The following SLIT3 variants were observed in gnomAD, a reference collection of about 807,000 sequenced individuals.
The protein encoded by SLIT3 is slit homolog 3 protein.
A neutral mutation model predicts 184.0 loss-of-function variants in SLIT3; 68 were observed. The observed-to-expected ratio is 0.37, with a 90% CI of 0.30 to 0.45. SLIT3 has a LOEUF of 0.45. Among genes scored for constraint, SLIT3 ranks in the 20% least tolerant of loss-of-function variants. SLIT3 has a pLI of 1.00. For missense variants in SLIT3, 1,707 were observed against 2,026.0 expected, an observed-to-expected ratio of 0.84 and a Z score of 3.02; for synonymous variants, 831 against 828.6, an observed-to-expected ratio of 1.00 and a Z score of -0.05.
At chr5:169,016,576 T>G (rs1756383400) in intron 4 of SLIT3, among the ~76,000 whole-genome samples, 1 of 152,216 alleles carries the variant, frequency 6.6e-6, no homozygotes. Context: ...ATATAATACA[T>G]GTAATTCTTA....
intron 4 of SLIT3, among the ~76,000 whole-genome samples, chr5:168,952,528 C>CAAAAAAAAAAAAAAAAAAAAAAAAAAAA (rs372134778): frequency 1.3e-5 from 1 of 77,930 alleles, no homozygotes; most frequent in African/African-American, 5.9e-5. Context: ...GGGAAAATGC[C>CAAAAAAAAAAAAAAAAAAAAAAAAAAAA]AAAAAAAAAA....
At position 168,692,599 on chromosome 5, in the gene SLIT3, G is replaced by A; in HGVS notation, c.3176+8C>T. On this transcript the variant is annotated splice_region_variant and intron_variant, in intron 29 of 35. Transcript: ENST00000519560. ...ACTCTGTGCTGGGGGCACGAAGCCA[G>A]GTCTTACCTGAATCCTTTGTCCAGG... 6.2e-7 allele frequency: 1 copy of A among 1,609,418 alleles called. No homozygotes were observed. Among genetic ancestry groups the A allele is most frequent in the South Asian group, 1.1e-5 (1 of 90,762 alleles).
intron 4 of SLIT3, among the ~76,000 whole-genome samples, chr5:168,981,293 C>T (rs371554534): frequency 8.2e-4 from 125 of 152,112 alleles, no homozygotes; most frequent in African/African-American, 2.7e-3. Context: ...GGACTGACTA[C>T]GCAACAGTTC....
At chr5:169,239,224 A>G (rs948854084) in intron 3 of SLIT3, among the ~76,000 whole-genome samples, 1 of 152,190 alleles carries the variant, frequency 6.6e-6, no homozygotes, top group African/African-American at 2.4e-5. Flanking sequence ...CTTTTCACCT[A>G]TAACTGAATT....
intron 3 of SLIT3, among the ~76,000 whole-genome samples, chr5:169,219,057 TG>T (rs925108477): frequency 1.3e-5 from 2 of 152,174 alleles, no homozygotes; most frequent in Non-Finnish European, 2.9e-5. Flanking sequence ...AACAACAGAA[TG>T]GACCCTGAAT....
chr5:169,166,356 CAT>C (rs1162781925), intron 4 of SLIT3, among the ~76,000 whole-genome samples: 1 of 152,182 alleles, frequency 6.6e-6, no homozygotes, highest in African/African-American at 2.4e-5. Context: ...GCAGCGGGCA[CAT>C]CAAGGCCCAT....
At chr5:168,781,172 T>C (rs1161310082) in intron 12 of SLIT3, among the ~76,000 whole-genome samples, 1 of 152,140 alleles carries the variant, frequency 6.6e-6, no homozygotes, top group Admixed American at 6.5e-5. Flanking sequence ...CCCAGAGACA[T>C]AGGAGGGTGC....
chr5:168,730,029 G>T (rs1439719012), intron 20 of SLIT3, among the ~76,000 whole-genome samples: 1 of 151,650 alleles, frequency 6.6e-6, no homozygotes, highest in African/African-American at 2.4e-5. Flanking sequence ...GGTTGAAAAA[G>T]ATATTCCATA....
chr5:168,914,881 T>TG (rs1761383242), intron 4 of SLIT3, among the ~76,000 whole-genome samples: 1 of 152,094 alleles, frequency 6.6e-6, no homozygotes, highest in South Asian at 2.1e-4. Context: ...TAGAGGACAT[T>TG]GGGGGGTAAA....
intron 3 of SLIT3, among the ~76,000 whole-genome samples, chr5:169,231,617 C>A (rs371271848): frequency 5.3e-5 from 8 of 152,066 alleles, no homozygotes; most frequent in East Asian, 1.9e-4. Context: ...CTAATGTCAA[C>A]GAGTATTTGG....
chr5:168,870,409 T>C (rs1396792053), intron 5 of SLIT3, among the ~76,000 whole-genome samples: 1 of 152,192 alleles, frequency 6.6e-6, no homozygotes, highest in Non-Finnish European at 1.5e-5. Context: ...CCATTCCAGG[T>C]AATCACCTCC....
At chr5:169,073,032 T>C (rs1758611465) in intron 4 of SLIT3, among the ~76,000 whole-genome samples, 1 of 152,202 alleles carries the variant, frequency 6.6e-6, no homozygotes. Flanking sequence ...TTAATATTTA[T>C]TGGTAAGTGC....
At chr5:169,187,132 T>TTTTTTTTTA (rs11393168) in intron 4 of SLIT3, among the ~76,000 whole-genome samples, 1 of 142,036 alleles carries the variant, frequency 7.0e-6, no homozygotes, top group African/African-American at 2.6e-5. Context: ...TTTTTTTTTT[T>TTTTTTTTTA]GAGACGGAGT....
intron 4 of SLIT3, among the ~76,000 whole-genome samples, chr5:169,145,175 A>G (rs1761885329): frequency 6.6e-6 from 1 of 152,154 alleles, no homozygotes; most frequent in African/African-American, 2.4e-5. Context: ...AGGCTGCGTG[A>G]CACCTCCTTA....
intron 1 of SLIT3, among the ~76,000 whole-genome samples, chr5:169,284,510 G>A (rs1767092741): frequency 6.6e-6 from 1 of 152,210 alleles, no homozygotes; most frequent in African/African-American, 2.4e-5. Context: ...ATTGTTAACT[G>A]TGGCTAATAT....
intron 16 of SLIT3, among the ~76,000 whole-genome samples, chr5:168,757,146 C>T (rs1419086650): frequency 6.6e-6 from 1 of 152,166 alleles, no homozygotes; most frequent in Admixed American, 6.5e-5. Flanking sequence ...CGATCACATT[C>T]TTAGAGCAGT....
At chr5:169,047,065 G>A (rs1581348507) in intron 4 of SLIT3, among the ~76,000 whole-genome samples, 1 of 152,130 alleles carries the variant, frequency 6.6e-6, no homozygotes, top group Non-Finnish European at 1.5e-5. Flanking sequence ...GACTGGAGAA[G>A]CAAAACCAAA....
rs114240028 is a variant in SLIT3, at chr5:168,895,745, A to C, written c.414-12409T>G. ...ATAACTCACACCTGTGGATGTGCTGATATTGACTACAGGAGAATAGATGCT... is the reference window on the plus strand; with the variant it reads ...ATAACTCACACCTGTGGATGTGCTGCTATTGACTACAGGAGAATAGATGCT... On this transcript the variant is annotated intron_variant, in intron 4 of 35. Transcript: ENST00000519560. Among the ~76,000 whole-genome samples the C allele has an allele frequency of 4.3e-3, 651 of 152,370 alleles. 4 individuals are homozygous for C. The highest frequency in any genetic ancestry group is 0.015 in the African/African-American group (629 of 41,590).
intron 8 of SLIT3, among the ~76,000 whole-genome samples, chr5:168,810,296 G>A (rs1157740241): frequency 6.6e-6 from 1 of 152,198 alleles, no homozygotes; most frequent in Non-Finnish European, 1.5e-5. Flanking sequence ...ATGCACATGT[G>A]TGTTCCTCTT....
Sources: allele counts gnomAD v4.1 joint callset (sites outside exome capture counted in the v4.1 genomes callset), GRCh38; gene constraint gnomAD v4.1.1; transcripts MANE v1.5; gene names NCBI Gene and HGNC (gene_info 2026-07-23, HGNC 2026-07-21).